The following ST18 variants were observed in gnomAD, a reference collection of about 807,000 sequenced individuals.
The protein encoded by ST18 is ST18 C2H2C-type zinc finger transcription factor.
A neutral mutation model predicts 110.0 loss-of-function variants in ST18; 50 were observed. The observed-to-expected ratio is 0.45, with a 90% CI of 0.36 to 0.58. The LOEUF is 0.58. ST18 is among the 20% of genes least tolerant of loss of function. The pLI is 0.00. For synonymous variants in ST18, 461 were observed against 452.4 expected, an observed-to-expected ratio of 1.02 and a Z score of -0.24; for missense variants, 1,306 against 1,280.1, an observed-to-expected ratio of 1.02 and a Z score of -0.31.
intron 2 of ST18, among the ~76,000 whole-genome samples, chr8:52,262,807 C>T (rs980382987): frequency 6.6e-6 from 1 of 152,232 alleles, no homozygotes; most frequent in Non-Finnish European, 1.5e-5. Context: ...ACACAGACTG[C>T]ATTGTTGACT....
intron 2 of ST18, among the ~76,000 whole-genome samples, chr8:52,358,079 T>C (rs1824006025): frequency 6.6e-6 from 1 of 151,768 alleles, no homozygotes; most frequent in African/African-American, 2.4e-5. Context: ...TGTATGAAAA[T>C]TAATCAATAC....
chr8:52,187,337 T>C (rs1563946921), intron 8 of ST18, among the ~76,000 whole-genome samples: 1 of 152,208 alleles, frequency 6.6e-6, no homozygotes, highest in Non-Finnish European at 1.5e-5. Context: ...GGTTGATTTG[T>C]CAAATATAAA....
chr8:52,290,598 C>T (rs1001624277), intron 2 of ST18, among the ~76,000 whole-genome samples: 12 of 152,088 alleles, frequency 7.9e-5, no homozygotes, highest in African/African-American at 2.7e-4. Flanking sequence ...GTGAAAGAGG[C>T]GGGGATGTTG....
chr8:52,113,400 C>T lies in ST18; in HGVS notation c.3004-62G>A, dbSNP rs183541959. On this transcript the variant is annotated intron_variant, in intron 25 of 25. Coordinates refer to ENST00000689386, the MANE Select transcript of ST18 (RefSeq NM_001352837.2). ...GGTTCAGGCTGAGGGAAAAGAAGGA[C>T]CCAGTGACATCGAAGATCAGTGATC... The T allele has an allele frequency of 1.8e-5, 28 of 1,583,290 alleles. No individual in the cohort carries two copies. The African/African-American group carries it at 2.7e-4, about 15-fold the overall frequency.
chr8:52,332,465 T>C (rs1200549743), intron 2 of ST18, among the ~76,000 whole-genome samples: 3 of 150,762 alleles, frequency 2.0e-5, no homozygotes, highest in Non-Finnish European at 4.4e-5. Context: ...AATTCATTCA[T>C]TCTTATTGCT....
intron 2 of ST18, among the ~76,000 whole-genome samples, chr8:52,338,577 C>T (rs1020454882): frequency 2.7e-5 from 4 of 150,336 alleles, no homozygotes; most frequent in Admixed American, 6.6e-5. Flanking sequence ...GCACAGGCCA[C>T]CACCCCTAGC....
chr8:52,131,925 C>T (rs2049786441), intron 22 of ST18, 33 bp downstream of exon 22: 2 of 1,608,928 alleles, frequency 1.2e-6, no homozygotes, highest in Middle Eastern at 1.7e-4. Flanking sequence ...CCGATCACAA[C>T]ACTACAACAA....
intron 16 of ST18, among the ~76,000 whole-genome samples, chr8:52,146,719 C>T (rs1341335479): frequency 6.6e-6 from 1 of 152,092 alleles, no homozygotes; most frequent in African/African-American, 2.4e-5. Flanking sequence ...AAAATAATGC[C>T]TACCAAACAT....
chr8:52,157,616 G>T (rs2132955811), intron 15 of ST18, among the ~76,000 whole-genome samples: 1 of 152,290 alleles, frequency 6.6e-6, no homozygotes, highest in African/African-American at 2.4e-5. Context: ...TGGATCGCCT[G>T]GTATACATAT....
At chr8:52,249,311 G>GTCTACT (rs2094109725) in intron 2 of ST18, 1 of 152,326 alleles carries the variant, frequency 6.6e-6, no homozygotes, top group Non-Finnish European at 1.5e-5. Context: ...GTTAGGCTAA[G>GTCTACT]ATCTGTTCTA....
chr8:52,166,804 T>G (rs1563809200), intron 11 of ST18, 48 bp downstream of exon 11: 3 of 1,454,126 alleles, frequency 2.1e-6, no homozygotes, highest in Non-Finnish European at 2.7e-6. Context: ...AACATCTTGA[T>G]GATCTGGCGT....
intron 2 of ST18, among the ~76,000 whole-genome samples, chr8:52,239,797 C>A (rs940826793): frequency 9.9e-5 from 15 of 151,960 alleles, no homozygotes; most frequent in South Asian, 8.3e-4. Flanking sequence ...ATTTCCCAAC[C>A]CCAAACCCCT....
At chr8:52,364,584 A>G (rs7017798) in intron 2 of ST18, among the ~76,000 whole-genome samples, 149,927 of 152,354 alleles carry the variant, frequency 0.98, 73,817 homozygotes, top group Middle Eastern at 1. Context: ...CAAATGCTCT[A>G]TTATCATTAT....
intron 6 of ST18, 111 bp from the exon 7 acceptor site, chr8:52,214,368 C>T (rs2083352535): frequency 8.8e-7 from 1 of 1,138,938 alleles, no homozygotes; most frequent in Non-Finnish European, 1.3e-6. Context: ...GCCTTCCATG[C>T]TCTTGACTCA....
intron 25 of ST18, among the ~76,000 whole-genome samples, chr8:52,114,379 G>A (rs1436592329): frequency 6.6e-6 from 1 of 152,132 alleles, no homozygotes; most frequent in Non-Finnish European, 1.5e-5. Context: ...CGGAATGAAT[G>A]TCACAAGGGG....
chr8:52,397,603 C>T (rs1047807360), intron 2 of ST18, among the ~76,000 whole-genome samples: 2 of 152,064 alleles, frequency 1.3e-5, no homozygotes, highest in Non-Finnish European at 2.9e-5. Flanking sequence ...TACATTTAGG[C>T]CTTTTATCCA....
Position 52,112,608 on chromosome 8 carries a change from A to G in ST18, c.*590T>C, listed in dbSNP as rs2040857281. ...ATTTGTCTTCTTATTCCTTCCGTGC[A>G]GCTCACCTTACCGCAAATTCATTTA... is the stretch of plus-strand genomic sequence containing the variant. On this transcript the variant is annotated 3_prime_UTR_variant, in exon 26 of 26. Transcript: ENST00000689386. 1 of 152,696 alleles carries G rather than the reference A, an allele frequency of 6.5e-6. No individual in the cohort carries two copies. Among genetic ancestry groups the G allele is most frequent in the South Asian group, 2.1e-4 (1 of 4,824 alleles). 9.5% of individuals were successfully genotyped at this position (152,696 alleles called of 1,614,324 possible).
At chr8:52,321,218 G>A (rs570639342) in intron 2 of ST18, among the ~76,000 whole-genome samples, 1 of 152,272 alleles carries the variant, frequency 6.6e-6, no homozygotes, top group South Asian at 2.1e-4. Context: ...CTTTTGGAGG[G>A]GACAAGGGGG....
intron 2 of ST18, among the ~76,000 whole-genome samples, chr8:52,358,403 C>T (rs192975041): frequency 4.6e-5 from 7 of 151,934 alleles, no homozygotes; most frequent in African/African-American, 1.7e-4. Context: ...ATCACCAAAA[C>T]TGAAAGTAGT....
Sources: allele counts gnomAD v4.1 joint callset (sites outside exome capture counted in the v4.1 genomes callset), GRCh38; gene constraint gnomAD v4.1.1; transcripts MANE v1.5; gene names NCBI Gene and HGNC (gene_info 2026-07-23, HGNC 2026-07-21).